The following VAV3 variants were observed in gnomAD, a reference collection of about 807,000 sequenced individuals.
The protein encoded by VAV3 is vav guanine nucleotide exchange factor 3.
In VAV3, 94 loss-of-function variants were observed where a neutral mutation model predicts 131.2. That is an observed-to-expected ratio of 0.72 (90% CI 0.61 to 0.85). VAV3 has a LOEUF of 0.85. Among genes scored for constraint, VAV3 ranks in the 40% least tolerant of loss-of-function variants. The pLI is 0.00. For synonymous variants in VAV3, 349 were observed against 342.0 expected, an observed-to-expected ratio of 1.02 and a Z score of -0.22; for missense variants, 939 against 1,002.7, an observed-to-expected ratio of 0.94 and a Z score of 0.86.
chr1:107,593,527 C>T (rs1651128390), intron 25 of VAV3, among the ~76,000 whole-genome samples: 2 of 152,038 alleles, frequency 1.3e-5, no homozygotes, highest in African/African-American at 4.8e-5. Context: ...CATTTCTGTC[C>T]AACCCAGTAT....
chr1:107,911,016 G>A (rs1183033961), intron 1 of VAV3, among the ~76,000 whole-genome samples: 1 of 151,492 alleles, frequency 6.6e-6, no homozygotes, highest in Non-Finnish European at 1.5e-5. Context: ...AAAAAAGCAA[G>A]GTAGGCTTGA....
chr1:107,841,259 A>T (rs887375576), intron 2 of VAV3, among the ~76,000 whole-genome samples: 1 of 152,180 alleles, frequency 6.6e-6, no homozygotes, highest in Non-Finnish European at 1.5e-5. Flanking sequence ...TGTCCTCAAC[A>T]AAGTTCATAT....
chr1:107,718,996 C>T (rs934099132), intron 15 of VAV3, among the ~76,000 whole-genome samples: 3 of 152,204 alleles, frequency 2.0e-5, no homozygotes, highest in Non-Finnish European at 4.4e-5. Flanking sequence ...GGAAAACTGG[C>T]TAGCCATATG....
intron 2 of VAV3, among the ~76,000 whole-genome samples, chr1:107,804,202 A>C (rs751608497): frequency 2.6e-5 from 4 of 152,002 alleles, no homozygotes; most frequent in Non-Finnish European, 5.9e-5. Context: ...CATCCAGCCT[A>C]TGTCTTTTAA....
chr1:107,910,498 A>T (rs1672315810), intron 1 of VAV3, among the ~76,000 whole-genome samples: 1 of 152,230 alleles, frequency 6.6e-6, no homozygotes, highest in Non-Finnish European at 1.5e-5. Flanking sequence ...TGCTGCAGTG[A>T]CAGCTGACAG....
intron 15 of VAV3, among the ~76,000 whole-genome samples, chr1:107,728,600 CGT>C (rs1662001741): frequency 8.8e-5 from 12 of 136,960 alleles, no homozygotes; most frequent in East Asian, 2.2e-4. Context: ...TATACGTATA[CGT>C]ATATGTATAT....
At position 107,720,113 on chromosome 1, in the gene VAV3, G is replaced by T. The variant is rs560868330; in HGVS notation, c.1503-15052C>A. On this transcript the variant is annotated intron_variant, in intron 15 of 26. Coordinates refer to ENST00000370056, the MANE Select transcript of VAV3 (RefSeq NM_006113.5). ...ATTAGGAGAAATACCTAATGTAAAT[G>T]ATGAGTTAATAGGTGCAGCAAACCA... 1.8e-4 allele frequency among the ~76,000 whole-genome samples: 27 copies of T among 152,224 alleles called. 1 individual carries two copies. The South Asian group carries it at 5.4e-3, about 30-fold the overall frequency.
At chr1:107,650,638 C>T (rs1013670402) in intron 19 of VAV3, among the ~76,000 whole-genome samples, 100 of 150,690 alleles carry the variant, frequency 6.6e-4, no homozygotes, top group African/African-American at 2.3e-3. Context: ...ATACATGTGC[C>T]ATGCTGGTGT....
chr1:107,891,794 G>A (rs937632990), intron 1 of VAV3, among the ~76,000 whole-genome samples: 13 of 144,124 alleles, frequency 9.0e-5, no homozygotes, highest in African/African-American at 2.3e-4. Context: ...TGCGGAGACC[G>A]CGCCATTGCA....
At chr1:107,737,934 A>T (rs937232929) in intron 15 of VAV3, among the ~76,000 whole-genome samples, 1 of 152,242 alleles carries the variant, frequency 6.6e-6, no homozygotes, top group African/African-American at 2.4e-5. Flanking sequence ...TACTCAAAAT[A>T]GCAAAGACTT....
chr1:107,816,886 A>T (rs750589698), intron 2 of VAV3, among the ~76,000 whole-genome samples: 131 of 152,194 alleles, frequency 8.6e-4, no homozygotes, highest in Non-Finnish European at 2.9e-4. Context: ...ATCATTTTAT[A>T]TATTAATAAG....
chr1:107,717,294 T>C (rs902223454), intron 15 of VAV3, among the ~76,000 whole-genome samples: 1 of 152,218 alleles, frequency 6.6e-6, no homozygotes, highest in Non-Finnish European at 1.5e-5. Context: ...TGAATTTGTT[T>C]GCTCTTGCTT....
intron 1 of VAV3, among the ~76,000 whole-genome samples, chr1:107,901,154 T>G (rs1305322584): frequency 6.6e-6 from 1 of 152,166 alleles, no homozygotes; most frequent in Admixed American, 6.5e-5. Context: ...GCTGGGGAGC[T>G]GCTATGTCCC....
chr1:107,806,716 C>A lies in VAV3; in HGVS notation c.322-27224G>T, dbSNP rs142604547. ...TTGTAGACCAAACCTAACATAACCACAAATGTTATAATGTACAGTGCATTT... is the reference window on the plus strand; with the variant it reads ...TTGTAGACCAAACCTAACATAACCAAAAATGTTATAATGTACAGTGCATTT... On this transcript the variant is annotated intron_variant, in intron 2 of 26. Coordinates refer to ENST00000370056, the MANE Select transcript of VAV3 (RefSeq NM_006113.5). Among the ~76,000 whole-genome samples the A allele has an allele frequency of 3.0e-3, 460 of 152,184 alleles. 5 individuals are homozygous for A. The highest frequency in any genetic ancestry group is 0.011 in the African/African-American group (436 of 41,524).
At chr1:107,630,939 T>C (rs1215219916) in intron 20 of VAV3, among the ~76,000 whole-genome samples, 1 of 152,208 alleles carries the variant, frequency 6.6e-6, no homozygotes, top group Non-Finnish European at 1.5e-5. Flanking sequence ...TTCCTACATG[T>C]ACCTTCCATA....
chr1:107,671,098 G>A (rs1257474678), intron 19 of VAV3, among the ~76,000 whole-genome samples: 1 of 152,206 alleles, frequency 6.6e-6, no homozygotes, highest in Non-Finnish European at 1.5e-5. Flanking sequence ...ATGGTAGGTG[G>A]AGGTAGAGAA....
chr1:107,646,327 A>G (rs1327640044), intron 19 of VAV3, among the ~76,000 whole-genome samples: 3 of 151,978 alleles, frequency 2.0e-5, no homozygotes, highest in African/African-American at 2.4e-5. Context: ...AGACCCAACA[A>G]TTGTTTAGTT....
intron 22 of VAV3, among the ~76,000 whole-genome samples, chr1:107,604,932 A>G (rs1652152025): frequency 6.6e-6 from 1 of 152,116 alleles, no homozygotes; most frequent in Admixed American, 6.5e-5. Context: ...ATTTCTTATC[A>G]ATTTTAAACA....
At position 107,863,688 on chromosome 1, in the gene VAV3, T is replaced by C. The variant is rs1669851437; in HGVS notation, c.321+11213A>G. The stretch of plus-strand genomic sequence containing the variant: ...CTTACGTATATAGATACGTATATCT[T>C]GGTATGTCTGTAAACCTCTGTGTGC... On this transcript the variant is annotated intron_variant, in intron 2 of 26. Transcript: ENST00000370056. Among the ~76,000 whole-genome samples, 6 of 152,346 alleles carry C rather than the reference T, an allele frequency of 3.9e-5. 1 individual carries two copies. The South Asian group carries it at 1.2e-3, about 32-fold the overall frequency.
Sources: gnomAD v4.1 joint callset for allele counts (sites outside exome capture counted in the v4.1 genomes callset) on GRCh38, gnomAD v4.1.1 for gene constraint, MANE v1.5 for transcripts, NCBI Gene and HGNC (gene_info 2026-07-23, HGNC 2026-07-21) for gene names.